PCDHGA4: variants seen among roughly 807,000 people sequenced by gnomAD.
The protein encoded by PCDHGA4 is protocadherin gamma-A4.
In PCDHGA4, 38 loss-of-function variants were observed where a neutral mutation model predicts 54.6. The ratio of observed to expected loss-of-function variants is 0.70; its 90% CI spans 0.54 to 0.91. The LOEUF is 0.91. Ranked by LOEUF, PCDHGA4 falls within the 40% of genes least tolerant of loss-of-function variation. The pLI, the probability that PCDHGA4 is intolerant of heterozygous loss-of-function variation, is 0.00. For missense variants in PCDHGA4, 1,298 were observed against 1,220.9 expected (o/e 1.06, Z -0.94); for synonymous variants, 511 against 512.9 (o/e 1.00, Z 0.05).
chr5:141,403,950 T>C (rs771679747), intron 1 of PCDHGA4: 13 of 1,613,706 alleles, frequency 8.1e-6, no homozygotes, highest in Non-Finnish European at 1.1e-5. Context: ...TGGACAAAAG[T>C]GCTCATTTCG....
intron 1 of PCDHGA4, among the ~76,000 whole-genome samples, chr5:141,454,985 A>G (rs1292477757): frequency 1.3e-5 from 2 of 150,314 alleles, no homozygotes; most frequent in African/African-American, 4.9e-5. Context: ...TTTTTTAAAA[A>G]ATATTTTTAG....
rs1048758308 is a variant in PCDHGA4 at position 141,498,931 on chromosome 5, A to T, written c.2573+4066A>T. Among the ~76,000 whole-genome samples the T allele has an allele frequency of 6.2e-4, 88 of 141,764 alleles. 1 individual carries two copies. Among genetic ancestry groups the T allele is most frequent in the Non-Finnish European group, 1.1e-3 (70 of 64,686 alleles). 93.0% of individuals were successfully genotyped at this position (141,764 alleles called of 152,430 possible). On this transcript the variant is annotated intron_variant, in intron 2 of 3. Coordinates refer to ENST00000571252, the MANE Select transcript of PCDHGA4 (RefSeq NM_018917.4). ...CTGGGTGACAGAGCGAGACTCCATC[A>T]GGAAAGAAAGAAAGAAAAAGAGAGA... is the stretch of plus-strand genomic sequence containing the variant.
In PCDHGA4 at chr5:141,364,723, G is replaced by A. The variant is rs746438679; in HGVS notation, c.2514+7102G>A. On this transcript the variant is annotated intron_variant, in intron 1 of 3. Coordinates refer to ENST00000571252, the MANE Select transcript of PCDHGA4 (RefSeq NM_018917.4). ...TAATCGATATTAATGATAACTTCCC[G>A]CGTTTCCGGGATGAAGAGTTAAAAG... 4 of 1,613,938 alleles carry A rather than the reference G, an allele frequency of 2.5e-6. No homozygotes were observed. The East Asian group carries it at 6.7e-5, about 27-fold the overall frequency.
chr5:141,380,304 C>T (rs1241911160), intron 1 of PCDHGA4, among the ~76,000 whole-genome samples: 3 of 151,974 alleles, frequency 2.0e-5, no homozygotes, highest in Non-Finnish European at 2.9e-5. Flanking sequence ...TATATCTTTG[C>T]TTGAGAATGA....
intron 1 of PCDHGA4, among the ~76,000 whole-genome samples, chr5:141,465,502 G>T (rs948827391): frequency 6.6e-6 from 1 of 152,152 alleles, no homozygotes; most frequent in Non-Finnish European, 1.5e-5. Flanking sequence ...GAGCATTGTC[G>T]TGGTCAGGAA....
intron 1 of PCDHGA4, chr5:141,383,629 C>T (rs769030453): frequency 6.2e-7 from 1 of 1,613,960 alleles, no homozygotes; most frequent in South Asian, 1.1e-5. Context: ...TGTCTTCTCT[C>T]TGCCTCAGTA....
intron 1 of PCDHGA4, chr5:141,414,287 C>G: frequency 6.2e-7 from 1 of 1,613,434 alleles, no homozygotes; most frequent in Non-Finnish European, 8.5e-7. Flanking sequence ...ACAGTCGTAG[C>G]CCTTTTAAAT....
rs747917835 is a variant in PCDHGA4 at position 141,487,659 on chromosome 5, AT to A, written c.2515-7147del. 3.7e-6 allele frequency: 6 copies of A among 1,613,466 alleles called. No homozygotes were observed. Among genetic ancestry groups the A allele is most frequent in the Non-Finnish European group, 5.1e-6 (6 of 1,179,716 alleles). On this transcript the variant is annotated intron_variant, in intron 1 of 3. Coordinates refer to ENST00000571252, the MANE Select transcript of PCDHGA4 (RefSeq NM_018917.4). This position sits in a 1 kb window ranked among gnomAD's most constrained non-coding sequence, Gnocchi z 5.0. ...CAACAAATGCTTGAGGGTTATTCTGATCCAGGCATATGGCTAGGCCATGTCC... is the reference window on the plus strand; with the variant it reads ...CAACAAATGCTTGAGGGTTATTCTGACCAGGCATATGGCTAGGCCATGTCC...
intron 1 of PCDHGA4, chr5:141,359,962 A>C (rs1174665843): frequency 1.7e-6 from 1 of 602,426 alleles, no homozygotes; most frequent in African/African-American, 1.9e-5. Context: ...GAACGAAGAG[A>C]AGCGTTTGGG....
chr5:141,477,857 C>T lies in PCDHGA4; in HGVS notation c.2515-16950C>T. ...AGGTGGGAGCTCGGTGGAGATGCTG[C>T]CTCGAGGTACCTCAGCTGGCCACCT... On this transcript the variant is annotated intron_variant, in intron 1 of 3. Transcript: ENST00000571252. The surrounding 1 kb of genome is among the most constrained non-coding windows in gnomAD (Gnocchi z 4.9). The T allele has an allele frequency of 6.2e-7, 1 of 1,613,574 alleles. No individual in the cohort carries two copies. The highest frequency in any genetic ancestry group is 8.5e-7 in the Non-Finnish European group (1 of 1,179,836).
At chr5:141,393,166 G>A in intron 1 of PCDHGA4, 2 of 1,613,244 alleles carry the variant, frequency 1.2e-6, no homozygotes, top group Non-Finnish European at 1.7e-6. Flanking sequence ...AAACTCTTTG[G>A]GGTAGAAATA....
chr5:141,361,548 C>A lies in PCDHGA4; in HGVS notation c.2514+3927C>A, dbSNP rs374369531. The A allele has an allele frequency of 5.5e-5, 88 of 1,613,976 alleles. 1 individual carries two copies. Among genetic ancestry groups the A allele is most frequent in the South Asian group, 2.1e-4 (19 of 91,092 alleles). ...AGAACAATCCTCCTGGCGCCTCTAT[C>A]GCTCAAATCAGTGCCTCTGACCCTG... On this transcript the variant is annotated intron_variant, in intron 1 of 3. Coordinates refer to ENST00000571252, the MANE Select transcript of PCDHGA4 (RefSeq NM_018917.4).
Position 141,410,843 on chromosome 5 carries a change from CTT to C in PCDHGA4, c.2514+53224_2514+53225del, listed in dbSNP as rs1452086070. 5.3e-4 allele frequency: 115 copies of C among 216,326 alleles called. 1 individual carries two copies. In the East Asian group the frequency reaches 7.7e-3, roughly 14 times the overall value. 13.4% of individuals were successfully genotyped at this position (216,326 alleles called of 1,614,324 possible). A position where few individuals can be genotyped will look rare whatever the true frequency, so the allele number is the denominator to read the frequency against. The stretch of plus-strand genomic sequence containing the variant: ...TGTCACCAGACTGAAGATATTTTGT[CTT>C]TGTCTTTTTTTTTTTTTTTTTTTTT... On this transcript the variant is annotated intron_variant, in intron 1 of 3. Transcript: ENST00000571252.
intron 1 of PCDHGA4, chr5:141,374,740 C>A (rs1337639511): frequency 6.2e-7 from 1 of 1,611,592 alleles, no homozygotes; most frequent in Admixed American, 1.7e-5. Context: ...ATGGCGGCGA[C>A]CCTGTCCGCT....
chr5:141,415,368 T>C (rs762653261), intron 1 of PCDHGA4: 1 of 1,614,244 alleles, frequency 6.2e-7, no homozygotes, highest in Non-Finnish European at 8.5e-7. Context: ...TGCTGCAGGC[T>C]TCAGGAGGCG....
At chr5:141,360,134 A>T (rs773035416) in intron 1 of PCDHGA4, 1 of 1,591,326 alleles carries the variant, frequency 6.3e-7, no homozygotes, top group Non-Finnish European at 8.6e-7. Flanking sequence ...GGGAGCCAGA[A>T]GATGAAAGCG....
chr5:141,393,134 C>T (rs755308269), intron 1 of PCDHGA4: 2 of 1,613,390 alleles, frequency 1.2e-6, no homozygotes, highest in South Asian at 2.2e-5. Flanking sequence ...TAAATATTAA[C>T]ACCCTGGTTG....
intron 1 of PCDHGA4, chr5:141,430,691 G>A (rs1479214920): frequency 7.1e-7 from 1 of 1,416,592 alleles, no homozygotes; most frequent in Non-Finnish European, 9.4e-7. Context: ...CCATTCTATG[G>A]GCGAAGGAAC....
chr5:141,393,939 T>C (rs1488586975), intron 1 of PCDHGA4: 2 of 1,613,856 alleles, frequency 1.2e-6, no homozygotes, highest in Non-Finnish European at 8.5e-7. Context: ...TGACCAAGAC[T>C]CTGGAAAGAA....
Sources: gnomAD v4.1 joint callset for allele counts (sites outside exome capture counted in the v4.1 genomes callset) on GRCh38, gnomAD v4.1.1 for gene constraint, Gnocchi (gnomAD v3.1) non-coding constraint, MANE v1.5 for transcripts, NCBI Gene and HGNC (gene_info 2026-07-23, HGNC 2026-07-21) for gene names.